FRMD3: variants seen among roughly 807,000 people sequenced by gnomAD.
FRMD3 encodes the protein FERM domain-containing protein 3.
A neutral mutation model predicts 70.2 loss-of-function variants in FRMD3; 33 were observed. The observed-to-expected ratio is 0.47, with a 90% CI of 0.36 to 0.63. The LOEUF is 0.63. FRMD3 is among the 20% of genes least tolerant of loss of function. FRMD3 has a pLI of 0.00. For missense variants in FRMD3, 632 were observed against 711.4 expected (o/e 0.89, Z 1.27); for synonymous variants, 279 against 255.9 (o/e 1.09, Z -0.86).
Position 83,390,452 on chromosome 9 carries a change from C to G in FRMD3, c.148-744G>C, listed in dbSNP as rs543834375. Among the ~76,000 whole-genome samples, 28 of 152,280 alleles carry G rather than the reference C, an allele frequency of 1.8e-4. No homozygotes were observed. The South Asian group carries it at 5.6e-3, about 30-fold the overall frequency. ...GAGCCACTGCATCCCTTCCATAAAC[C>G]AACACAGAAAGGCAGTGTGGGAGAT... is the stretch of plus-strand genomic sequence containing the variant. On this transcript the variant is annotated intron_variant, in intron 1 of 13. Coordinates refer to ENST00000304195, the MANE Select transcript of FRMD3 (RefSeq NM_174938.6).
intron 6 of FRMD3, among the ~76,000 whole-genome samples, chr9:83,317,991 C>T (rs772077345): frequency 5.3e-4 from 81 of 152,232 alleles, no homozygotes; most frequent in Non-Finnish European, 9.6e-4. Context: ...ACTCCAACCT[C>T]TGCACAATAA....
rs545356806 is a variant in FRMD3 at position 83,361,221 on chromosome 9, T to C, written c.296-11464A>G. Among the ~76,000 whole-genome samples the C allele has an allele frequency of 8.5e-5, 13 of 152,372 alleles. No individual in the cohort carries two copies. The South Asian group carries it at 2.5e-3, about 29-fold the overall frequency. On this transcript the variant is annotated intron_variant, in intron 3 of 13. Coordinates refer to ENST00000304195, the MANE Select transcript of FRMD3 (RefSeq NM_174938.6). ...GTAATGAGCTGTGTTCAGTTGTATG[T>C]TTTGCTTTTTTTTGTAAAAAAATAG...
intron 1 of FRMD3, among the ~76,000 whole-genome samples, chr9:83,506,857 T>G (rs1829193450): frequency 6.6e-6 from 1 of 152,266 alleles, no homozygotes. Context: ...ATTTTCTTAA[T>G]ATCCTTATTC....
At chr9:83,456,208 G>A (rs1443543342) in intron 1 of FRMD3, among the ~76,000 whole-genome samples, 4 of 152,160 alleles carry the variant, frequency 2.6e-5, no homozygotes, top group Non-Finnish European at 5.9e-5. Context: ...TCATTTGATA[G>A]TATAGTTTAT....
intron 4 of FRMD3, among the ~76,000 whole-genome samples, chr9:83,347,946 C>A (rs1824015637): frequency 6.6e-6 from 1 of 152,144 alleles, no homozygotes; most frequent in Non-Finnish European, 1.5e-5. Context: ...ACTATTCATA[C>A]CTGAGCTATT....
intron 3 of FRMD3, among the ~76,000 whole-genome samples, chr9:83,362,205 CTCTCAA>C (rs1345041568): frequency 0.011 from 1,532 of 140,756 alleles, 40 homozygotes; most frequent in African/African-American, 0.039. Flanking sequence ...CTCTCTCTCT[CTCTCAA>C]TCTCAATCTC....
intron 5 of FRMD3, among the ~76,000 whole-genome samples, chr9:83,338,434 G>T (rs1462010720): frequency 6.6e-6 from 1 of 152,102 alleles, no homozygotes; most frequent in Non-Finnish European, 1.5e-5. Flanking sequence ...TTTTATGACA[G>T]CATTAATCAT....
intron 5 of FRMD3, among the ~76,000 whole-genome samples, chr9:83,337,405 G>A (rs1321118514): frequency 1.3e-5 from 2 of 152,172 alleles, no homozygotes; most frequent in Non-Finnish European, 2.9e-5. Flanking sequence ...AAAGAGAAAT[G>A]CCTACACATC....
At chr9:83,278,893 G>A (rs2077878090) in intron 13 of FRMD3, among the ~76,000 whole-genome samples, 1 of 152,114 alleles carries the variant, frequency 6.6e-6, no homozygotes, top group African/African-American at 2.4e-5. Context: ...CCATCCAAAG[G>A]GCTGGGCTTG....
the FRMD3 span, among the ~76,000 whole-genome samples, chr9:83,551,927 G>T: frequency 6.7e-6 from 1 of 149,770 alleles, no homozygotes; most frequent in African/African-American, 2.4e-5. Flanking sequence ...AAAAACTCCT[G>T]GATTCATTGA....
chr9:83,434,819 C>CTTTTTT (rs757810185), intron 1 of FRMD3, among the ~76,000 whole-genome samples: 44 of 74,880 alleles, frequency 5.9e-4, no homozygotes, highest in South Asian at 1.2e-3. Context: ...CACCCCTCTG[C>CTTTTTT]TTTTTTTTTT....
chr9:83,381,639 G>C (rs1466306190), intron 2 of FRMD3, among the ~76,000 whole-genome samples: 2 of 152,024 alleles, frequency 1.3e-5, no homozygotes, highest in Non-Finnish European at 2.9e-5. Context: ...TTGTATTCTA[G>C]GGTCTCAGGG....
intron 1 of FRMD3, among the ~76,000 whole-genome samples, chr9:83,454,818 C>G (rs995236699): frequency 1.3e-5 from 2 of 152,102 alleles, no homozygotes; most frequent in Admixed American, 6.5e-5. Context: ...TTAAGGCCCA[C>G]CCTCTGTCAG....
intron 3 of FRMD3, among the ~76,000 whole-genome samples, chr9:83,372,572 A>G (rs540015662): frequency 1.3e-5 from 2 of 152,178 alleles, no homozygotes; most frequent in Admixed American, 6.5e-5. Context: ...ACACTTAATG[A>G]CTAACCAGCA....
chr9:83,362,404 C>T (rs1229982331), intron 3 of FRMD3, among the ~76,000 whole-genome samples: 4 of 152,168 alleles, frequency 2.6e-5, no homozygotes, highest in Non-Finnish European at 4.4e-5. Flanking sequence ...CTTCTGAGCA[C>T]CACTGTCATC....
intron 2 of FRMD3, among the ~76,000 whole-genome samples, chr9:83,386,913 T>C (rs1157573045): frequency 6.6e-6 from 1 of 152,320 alleles, no homozygotes; most frequent in African/African-American, 2.4e-5. Context: ...AGGTTATGCA[T>C]TATTGGGAAG....
chr9:83,574,792 A>C, the FRMD3 span, among the ~76,000 whole-genome samples: 1 of 152,156 alleles, frequency 6.6e-6, no homozygotes, highest in Non-Finnish European at 1.5e-5. Flanking sequence ...GGGTATCAGG[A>C]AACCCAGGAC....
chr9:83,277,630 G>A (rs576152618), intron 13 of FRMD3, among the ~76,000 whole-genome samples: 1 of 152,304 alleles, frequency 6.6e-6, no homozygotes, highest in Non-Finnish European at 1.5e-5. Context: ...CAAAGTGCTA[G>A]GAGTATAGGC....
intron 1 of FRMD3, among the ~76,000 whole-genome samples, chr9:83,395,495 C>T (rs549886131): frequency 6.6e-6 from 1 of 152,164 alleles, no homozygotes; most frequent in African/African-American, 2.4e-5. Flanking sequence ...CTCTCCACCC[C>T]CAACAAGTTT....
Sources: gnomAD v4.1 joint callset for allele counts (sites outside exome capture counted in the v4.1 genomes callset) on GRCh38, gnomAD v4.1.1 for gene constraint, MANE v1.5 for transcripts, NCBI Gene and HGNC (gene_info 2026-07-23, HGNC 2026-07-21) for gene names.